Variants in PRDM15 observed in about 807,000 individuals in gnomAD.
PRDM15 encodes the protein PR/SET domain 15.
In PRDM15, 64 loss-of-function variants were observed where a neutral mutation model predicts 128.6. The observed-to-expected ratio is 0.50, with a 90% CI of 0.41 to 0.61. PRDM15 has a LOEUF of 0.61. Ranked by LOEUF, PRDM15 falls within the 20% of genes least tolerant of loss-of-function variation. The pLI is 0.00. For synonymous variants in PRDM15, 615 were observed against 621.8 expected (o/e 0.99, Z 0.16); for missense variants, 1,242 against 1,569.1 (o/e 0.79, Z 3.52).
At chr21:41,835,250 G>C (rs2839391) in intron 11 of PRDM15, among the ~76,000 whole-genome samples, 187 bp downstream of exon 11, 71,566 of 152,086 alleles carry the variant, frequency 0.47, 17,140 homozygotes, top group Admixed American at 0.59. Flanking sequence ...TTACTGGAAA[G>C]TTTCCATCTG....
rs778767569 is a variant in PRDM15 at position 41,862,842 on chromosome 21, G to A, written c.-9-2470C>T. ...CAGAACAAGGCACACAGGAAGTACT[G>A]TTTCAGGGAAAAGGAGAGGAAAAAA... On this transcript the variant is annotated intron_variant, in intron 1 of 23. Transcript: ENST00000398548. The surrounding 1 kb of genome is among the most constrained non-coding windows in gnomAD (Gnocchi z 4.1). 1.3e-5 allele frequency among the ~76,000 whole-genome samples: 2 copies of A among 152,148 alleles called. No individual in the cohort carries two copies. Among genetic ancestry groups the A allele is most frequent in the African/African-American group, 2.4e-5 (1 of 41,416 alleles).
In PRDM15 at chr21:41,854,507, A is replaced by G; in HGVS notation, c.538+59T>C. On this transcript the variant is annotated intron_variant, in intron 5 of 23. Coordinates refer to ENST00000398548, the MANE Select transcript of PRDM15 (RefSeq NM_001040424.3). The surrounding 1 kb of genome is among the most constrained non-coding windows in gnomAD (Gnocchi z 4.6). ...GGGGTCAGCACAGAGCCAAGGGACC[A>G]TAACCCCTTCGGCGAGGCACAAGGG... 6.3e-7 allele frequency: 1 copy of G among 1,597,408 alleles called. No homozygotes were observed. Among genetic ancestry groups the G allele is most frequent in the South Asian group, 1.1e-5 (1 of 90,062 alleles).
At position 41,835,380 on chromosome 21, in the gene PRDM15, C is replaced by T. The variant is rs374909841; in HGVS notation, c.1366+57G>A. ...GCCTAAAGTTCCACGGTCTCCGCGG[C>T]GTATCTAGAATCCGTACCGCACAGC... On this transcript the variant is annotated intron_variant, in intron 11 of 23. Transcript: ENST00000398548. 6.5e-4 allele frequency: 896 copies of T among 1,384,548 alleles called. 7 individuals are homozygous for T. The African/African-American group carries it at 9.8e-3, about 15-fold the overall frequency. The allele number at this position is 1,384,548 out of a possible 1,614,324, so 85.8% of individuals were successfully genotyped here. A position where few individuals can be genotyped will look rare whatever the true frequency, so the allele number is the denominator to read the frequency against.
chr21:41,820,468 T>C (rs78225226), intron 16 of PRDM15, among the ~76,000 whole-genome samples: 460 of 152,194 alleles, frequency 3.0e-3, no homozygotes, highest in Middle Eastern at 6.8e-3. Flanking sequence ...ATCTGACCAG[T>C]GTCCTTATAA....
At chr21:41,809,205 A>T (rs982739711) in intron 21 of PRDM15, among the ~76,000 whole-genome samples, 1 of 151,242 alleles carries the variant, frequency 6.6e-6, no homozygotes, top group Non-Finnish European at 1.5e-5. Flanking sequence ...CTATCTGTCT[A>T]ACACAGCCAT....
intron 11 of PRDM15, among the ~76,000 whole-genome samples, chr21:41,829,054 T>C (rs2062583213): frequency 9.2e-6 from 1 of 108,862 alleles, no homozygotes; most frequent in South Asian, 3.1e-4. Context: ...AAATGCACAA[T>C]CACACACACC....
intron 21 of PRDM15, among the ~76,000 whole-genome samples, chr21:41,808,104 T>C (rs545523382): frequency 6.6e-6 from 1 of 152,302 alleles, no homozygotes; most frequent in East Asian, 1.9e-4. Flanking sequence ...ACCGTCTTTA[T>C]CAATACGCGG....
intron 10 of PRDM15, among the ~76,000 whole-genome samples, chr21:41,835,909 G>A (rs116000161): frequency 1.3e-3 from 81 of 63,286 alleles, no homozygotes; most frequent in South Asian, 4.3e-3. Context: ...CACAGCCCTC[G>A]CCCACTCTCC....
At chr21:41,871,833 G>T (rs2064224219) in intron 1 of PRDM15, 1 of 533,034 alleles carries the variant, frequency 1.9e-6, no homozygotes, top group Non-Finnish European at 3.3e-6. Context: ...CAGACACAGG[G>T]GTGCTCTGAC....
At chr21:41,819,491 C>T in intron 18 of PRDM15, 91 bp downstream of exon 18, 7 of 1,215,112 alleles carry the variant, frequency 5.8e-6, no homozygotes, top group Non-Finnish European at 6.7e-6. Flanking sequence ...ACCTTCCCCA[C>T]ACTCCCAGTT....
At position 41,801,107 on chromosome 21, in the gene PRDM15, G is replaced by A; in HGVS notation, c.*133C>T. ...AATGGTTGCTGGCGGGGGATCTGGAGATACTCTGCAAAGCTAAGTCAACCT... is the reference window on the plus strand; with the variant it reads ...AATGGTTGCTGGCGGGGGATCTGGAAATACTCTGCAAAGCTAAGTCAACCT... On this transcript the variant is annotated 3_prime_UTR_variant, in exon 24 of 24. Coordinates refer to ENST00000398548, the MANE Select transcript of PRDM15 (RefSeq NM_001040424.3). The A allele has an allele frequency of 7.8e-7, 1 of 1,286,072 alleles. No individual in the cohort carries two copies. 79.7% of individuals were successfully genotyped at this position (1,286,072 alleles called of 1,614,324 possible). A position where few individuals can be genotyped will look rare whatever the true frequency, so the allele number is the denominator to read the frequency against.
intron 18 of PRDM15, among the ~76,000 whole-genome samples, chr21:41,818,309 A>G (rs902491459): frequency 6.6e-6 from 1 of 152,230 alleles, no homozygotes; most frequent in Non-Finnish European, 1.5e-5. Flanking sequence ...TAAGGCAGGC[A>G]GACATTGCTA....
chr21:41,835,562 C>A, intron 10 of PRDM15, 38 bp from the exon 11 acceptor site: 1 of 1,563,142 alleles, frequency 6.4e-7, no homozygotes. Flanking sequence ...GATGGCCCAG[C>A]GCAGAGTCCA....
chr21:41,829,144 CACACAAAT>C lies in PRDM15; in HGVS notation c.1367-819_1367-812del, dbSNP rs1210322489. 6.4e-3 allele frequency among the ~76,000 whole-genome samples: 934 copies of C among 146,234 alleles called. 7 individuals carry two copies. The highest frequency in any genetic ancestry group is 0.046 in the South Asian group (210 of 4,530). ...CTCAACATACCACACACACATGCCCCACACAAATACACAAATACACAATCACACACACC... is the reference window on the plus strand; with the variant it reads ...CTCAACATACCACACACACATGCCCCACACAAATACACAATCACACACACC... On this transcript the variant is annotated intron_variant, in intron 11 of 23. Transcript: ENST00000398548.
chr21:41,875,356 G>A (rs944636198), intron 1 of PRDM15, among the ~76,000 whole-genome samples: 2 of 152,272 alleles, frequency 1.3e-5, no homozygotes, highest in African/African-American at 4.8e-5. Flanking sequence ...TCCACCTGAT[G>A]CCTGGAACCA....
chr21:41,857,275 C>A lies in PRDM15; in HGVS notation c.186G>T (p.Gly62=), dbSNP rs140144745. 1.2e-4 allele frequency: 188 copies of A among 1,613,916 alleles called. No individual in the cohort carries two copies. Among genetic ancestry groups the A allele is most frequent in the East Asian group, 2.9e-4 (13 of 44,882 alleles). ...TGACGAGCTGAGTGATGGCGAACAC[C>A]CCCTCGGCTCCATCTTCCAGTCGTC... ...EIRRLEDGAE[G]VFAITQLVKR... is the part of the protein sequence containing the mutation. Residue 62 remains glycine, a synonymous_variant, in exon 4 of 24, where the codon GGG becomes GGT. Coordinates refer to ENST00000398548, the MANE Select transcript of PRDM15 (RefSeq NM_001040424.3).
intron 1 of PRDM15, among the ~76,000 whole-genome samples, chr21:41,870,176 T>G (rs2064161827): frequency 6.6e-6 from 1 of 152,256 alleles, no homozygotes; most frequent in East Asian, 1.9e-4. Context: ...TTCACATATG[T>G]AATTTTAGTA....
At chr21:41,820,292 TAAAAG>T in intron 16 of PRDM15, 118 bp from the exon 17 acceptor site, 1 of 734,146 alleles carries the variant, frequency 1.4e-6, no homozygotes, top group Non-Finnish European at 2.4e-6. Flanking sequence ...ACGGGGATGA[TAAAAG>T]AAGCAGATAT....
Position 41,828,175 on chromosome 21 carries a change from G to C in PRDM15, c.1525C>G (p.His509Asp). 6.2e-7 allele frequency: 1 copy of C among 1,613,750 alleles called. No homozygotes were observed. Among genetic ancestry groups the C allele is most frequent in the Non-Finnish European group, 8.5e-7 (1 of 1,179,934 alleles). Residue 509 changes from histidine (H) to aspartate (D), a missense_variant, in exon 12 of 24, where the codon CAC (histidine) becomes GAC (aspartate). Physicochemically the swap from His to Asp is moderately conservative, Grantham distance 81. Coordinates refer to ENST00000398548, the MANE Select transcript of PRDM15 (RefSeq NM_001040424.3). The surrounding 1 kb of genome is among the most constrained non-coding windows in gnomAD (Gnocchi z 5.7). ...GCGCAGGCGGCCTCACCTTCCAGGT[G>C]CCGGCGCTGGTGGTCCAGCATGACG... ...KDVMLDHQRR[H>D]LEGVRRVKRE...
Sources: allele counts gnomAD v4.1 joint callset (sites outside exome capture counted in the v4.1 genomes callset), GRCh38; gene constraint gnomAD v4.1.1; non-coding constraint Gnocchi (gnomAD v3.1); transcripts MANE v1.5; gene names NCBI Gene and HGNC (gene_info 2026-07-23, HGNC 2026-07-21).